PIK3CB: variants seen among roughly 807,000 people sequenced by gnomAD.
PIK3CB encodes phosphatidylinositol-4,5-bisphosphate 3-kinase catalytic subunit beta, also known as phosphatidylinositol 4,5-bisphosphate 3-kinase catalytic subunit beta isoform.
PIK3CB carries 39 observed loss-of-function variants against 136.8 expected under a neutral mutation model. The ratio of observed to expected loss-of-function variants is 0.29; its 90% CI spans 0.22 to 0.37. The LOEUF (loss-of-function observed/expected upper bound fraction) is 0.37. Ranked by LOEUF, PIK3CB falls within the 10% of genes least tolerant of loss-of-function variation. PIK3CB has a pLI of 1.00. For missense variants in PIK3CB, 868 were observed against 1,275.4 expected (o/e 0.68, Z 4.87); for synonymous variants, 428 against 436.6 (o/e 0.98, Z 0.25).
intron 2 of PIK3CB, among the ~76,000 whole-genome samples, chr3:138,787,868 G>A (rs1485667961): frequency 6.6e-6 from 1 of 151,422 alleles, no homozygotes; most frequent in Admixed American, 6.6e-5. Context: ...GATTTTTTAA[G>A]GCCCCAGAAT....
Position 138,707,255 on chromosome 3 carries a change from A to C in PIK3CB, c.1434T>G (p.Thr478=), listed in dbSNP as rs533004036. ...ELEEMLNPMG[T]VQTNPYTENA... ...TTTCAGTATATGGATTTGTTTGAAC[A>C]GTTCCCATTGGATTCAACATTTCTT... The change falls in exon 11 of 24, where the codon ACT becomes ACG. Residue 478 remains threonine (T), a synonymous_variant. Coordinates refer to ENST00000674063, the MANE Select transcript of PIK3CB (RefSeq NM_006219.3). 2.2e-5 allele frequency: 36 copies of C among 1,610,228 alleles called. No individual in the cohort carries two copies. In the Admixed American group the frequency reaches 6.1e-4, roughly 27 times the overall value.
In PIK3CB at chr3:138,826,499, GTTT is replaced by G. The variant is rs34843148; in HGVS notation, c.-122+8193_-122+8195del. Among the ~76,000 whole-genome samples the G allele has an allele frequency of 1.8e-3, 173 of 95,910 alleles. 1 individual carries two copies. Among genetic ancestry groups the G allele is most frequent in the African/African-American group, 6.5e-3 (162 of 24,876 alleles). 62.9% of individuals were successfully genotyped at this position (95,910 alleles called of 152,430 possible). On this transcript the variant is annotated intron_variant, in intron 1 of 23. Transcript: ENST00000674063. ...GGAGAATGTGTTATGGACCATTTGG[GTTT>G]TTTTTTTTTTTTTTTTTTTGGCATG...
At chr3:138,822,457 G>A (rs766613946) in intron 1 of PIK3CB, among the ~76,000 whole-genome samples, 10 of 151,980 alleles carry the variant, frequency 6.6e-5, no homozygotes, top group Non-Finnish European at 1.3e-4. Flanking sequence ...TGAGGCAGGA[G>A]AACAGCTGGA....
Position 138,819,993 on chromosome 3 carries a change from A to C in PIK3CB, c.-122+14702T>G, listed in dbSNP as rs137889860. ...TGTCTCGATCAATCAATCAATCAAT[A>C]AAGCCTTCTCAAGTGATTTTGATGT... On this transcript the variant is annotated intron_variant, in intron 1 of 23. Coordinates refer to ENST00000674063, the MANE Select transcript of PIK3CB (RefSeq NM_006219.3). Among the ~76,000 whole-genome samples the C allele has an allele frequency of 9.3e-4, 141 of 152,300 alleles. 1 individual carries two copies. In the East Asian group the frequency reaches 0.022, roughly 23 times the overall value.
At chr3:138,705,199 A>AAAAAAAAAAAAAAAAAAAC (rs1559828867) in intron 11 of PIK3CB, among the ~76,000 whole-genome samples, 1 of 143,260 alleles carries the variant, frequency 7.0e-6, no homozygotes, top group Admixed American at 7.2e-5. Context: ...ACAAAAAAAA[A>AAAAAAAAAAAAAAAAAAAC]AACTTATATT....
chr3:138,765,644 A>T (rs926271662), intron 2 of PIK3CB, among the ~76,000 whole-genome samples: 4 of 149,448 alleles, frequency 2.7e-5, no homozygotes, highest in Non-Finnish European at 5.9e-5. Context: ...TGAGTTCAAG[A>T]CCATCCTGGA....
At chr3:138,713,113 GA>G (rs939722627) in intron 9 of PIK3CB, among the ~76,000 whole-genome samples, 8 of 149,748 alleles carry the variant, frequency 5.3e-5, no homozygotes, top group African/African-American at 7.3e-5. Flanking sequence ...TATTAAGGAA[GA>G]AAAAAATACT....
At chr3:138,783,536 G>C (rs978574725) in intron 2 of PIK3CB, among the ~76,000 whole-genome samples, 22 of 152,068 alleles carry the variant, frequency 1.4e-4, no homozygotes, top group African/African-American at 5.1e-4. Context: ...CCCGGCCTTG[G>C]TCTCCCAAAG....
rs144289856 is a variant in PIK3CB at position 138,782,704 on chromosome 3, T to C, written c.-17+13759A>G. Among the ~76,000 whole-genome samples the C allele has an allele frequency of 5.5e-4, 84 of 152,302 alleles. No homozygotes were observed. In the East Asian group the frequency reaches 0.014, roughly 26 times the overall value. On this transcript the variant is annotated intron_variant, in intron 2 of 23. Transcript: ENST00000674063. ...AATTTAAGAAAGTTGGTGTGACACTTACACCTTCTCTTTCCTCTTCCACTG... is the reference window on the plus strand; with the variant it reads ...AATTTAAGAAAGTTGGTGTGACACTCACACCTTCTCTTTCCTCTTCCACTG...
chr3:138,811,122 G>T (rs868309882), intron 1 of PIK3CB, among the ~76,000 whole-genome samples: 1 of 150,930 alleles, frequency 6.6e-6, no homozygotes, highest in Admixed American at 6.6e-5. Context: ...AGTTACTCAG[G>T]AGGCTGAGGC....
At chr3:138,747,053 TTTATATATATATA>T (rs2045369103) in intron 4 of PIK3CB, among the ~76,000 whole-genome samples, 1 of 78,358 alleles carries the variant, frequency 1.3e-5, no homozygotes, top group African/African-American at 5.1e-5. Context: ...CTATTCAGCC[TTTATATATATATA>T]TATATATATA....
intron 1 of PIK3CB, among the ~76,000 whole-genome samples, chr3:138,831,021 G>A (rs183372812): frequency 6.7e-6 from 1 of 149,696 alleles, no homozygotes; most frequent in African/African-American, 2.4e-5. Flanking sequence ...GGTGGCTCCC[G>A]CCTGGAGTCC....
chr3:138,778,033 TG>T, intron 2 of PIK3CB: 1 of 381,836 alleles, frequency 2.6e-6, no homozygotes, highest in Non-Finnish European at 5.1e-6. Flanking sequence ...TTGTCATCAA[TG>T]AAAATACCAT....
intron 8 of PIK3CB, among the ~76,000 whole-genome samples, 171 bp from the exon 9 acceptor site, chr3:138,714,890 A>G (rs1436869105): frequency 6.6e-6 from 1 of 152,218 alleles, no homozygotes; most frequent in Non-Finnish European, 1.5e-5. Context: ...ACTTGTCTGC[A>G]GAACCACTAG....
At chr3:138,771,828 ATC>A (rs1481498472) in intron 2 of PIK3CB, among the ~76,000 whole-genome samples, 1 of 150,888 alleles carries the variant, frequency 6.6e-6, no homozygotes, top group Non-Finnish European at 1.5e-5. Context: ...AGGGAGGAGG[ATC>A]TCTTTCTCTT....
intron 2 of PIK3CB, among the ~76,000 whole-genome samples, chr3:138,761,975 G>A (rs1305837116): frequency 2.0e-5 from 3 of 149,510 alleles, no homozygotes; most frequent in East Asian, 2.0e-4. Context: ...GGCCAGGCAC[G>A]GTGGCTTATG....
chr3:138,786,362 AT>A (rs1296262206), intron 2 of PIK3CB, among the ~76,000 whole-genome samples: 15 of 150,606 alleles, frequency 1.0e-4, no homozygotes, highest in African/African-American at 2.9e-4. Context: ...TTTCTATTTA[AT>A]TTTTTTTTTA....
At chr3:138,669,065 C>A (rs900243998) in intron 19 of PIK3CB, among the ~76,000 whole-genome samples, 3 of 152,178 alleles carry the variant, frequency 2.0e-5, no homozygotes, top group Admixed American at 6.5e-5. Flanking sequence ...CTTCCTCCAA[C>A]CCTCTGAGAT....
chr3:138,693,760 G>C (rs2044060119), intron 14 of PIK3CB, among the ~76,000 whole-genome samples: 2 of 151,304 alleles, frequency 1.3e-5, no homozygotes, highest in South Asian at 4.2e-4. Flanking sequence ...ACACATTTGT[G>C]TAATAATAAT....
Sources: allele counts gnomAD v4.1 joint callset (sites outside exome capture counted in the v4.1 genomes callset), GRCh38; gene constraint gnomAD v4.1.1; transcripts MANE v1.5; gene names NCBI Gene and HGNC (gene_info 2026-07-23, HGNC 2026-07-21).